The following DNAH2 variants were observed in gnomAD, a reference collection of about 807,000 sequenced individuals.
The protein encoded by DNAH2 is dynein axonemal heavy chain 2, also known as axonemal beta dynein heavy chain 2.
DNAH2 carries 323 observed loss-of-function variants against 523.5 expected under a neutral mutation model. That is an observed-to-expected ratio of 0.62 (90% CI 0.56 to 0.68). DNAH2 has a LOEUF of 0.68. Among genes scored for constraint, DNAH2 ranks in the 30% least tolerant of loss-of-function variants. The pLI is 0.00. For synonymous variants in DNAH2, 2,093 were observed against 2,177.4 expected (o/e 0.96, Z 1.08); for missense variants, 4,907 against 5,701.5 (o/e 0.86, Z 4.49).
chr17:7,726,948 A>T (rs1401402357), intron 3 of DNAH2, among the ~76,000 whole-genome samples, 174 bp from the exon 4 acceptor site: 1 of 152,152 alleles, frequency 6.6e-6, no homozygotes, highest in Admixed American at 6.5e-5. Context: ...AGAGGCAAGA[A>T]ATCTTATTTT....
chr17:7,723,610 T>C lies in DNAH2; in HGVS notation c.167-18T>C. On this transcript the variant is annotated intron_variant, in intron 2 of 85. Coordinates refer to ENST00000572933, the MANE Select transcript of DNAH2 (RefSeq NM_020877.5). ...TTTCCAAGAAATGCCTTCCTTTTTGTATGTTTATTCTTCCTAGAGCCACGG... is the reference window on the plus strand; with the variant it reads ...TTTCCAAGAAATGCCTTCCTTTTTGCATGTTTATTCTTCCTAGAGCCACGG... The C allele has an allele frequency of 6.2e-7, 1 of 1,612,364 alleles. No homozygotes were observed. The highest frequency in any genetic ancestry group is 8.5e-7 in the Non-Finnish European group (1 of 1,178,568).
rs890950486 is a variant in DNAH2 at position 7,754,832 on chromosome 17, C to T, written c.1905-2259C>T. 11 of 703,266 alleles carry T rather than the reference C, an allele frequency of 1.6e-5. No homozygotes were observed. Among genetic ancestry groups the T allele is most frequent in the East Asian group, 1.5e-4 (6 of 40,848 alleles). The allele number at this position is 703,266 out of a possible 1,614,324, so 43.6% of individuals were successfully genotyped here. On this transcript the variant is annotated intron_variant, in intron 12 of 85. Transcript: ENST00000572933. The surrounding 1 kb of genome is among the most constrained non-coding windows in gnomAD (Gnocchi z 4.6). The stretch of plus-strand genomic sequence containing the variant: ...CTCAGGCTCCCAAAGCTGCCCAGTG[C>T]CCTACAAAGACTTCAGAGTAGATAT...
At chr17:7,738,142 A>T in intron 8 of DNAH2, 1 of 702,560 alleles carries the variant, frequency 1.4e-6, no homozygotes, top group Non-Finnish European at 2.6e-6. Flanking sequence ...CTCCCCTAAC[A>T]TCCCATGTCT....
At chr17:7,830,190 C>G in intron 77 of DNAH2, 110 bp from the exon 78 acceptor site, 1 of 1,186,018 alleles carries the variant, frequency 8.4e-7, no homozygotes, top group Non-Finnish European at 1.2e-6. Context: ...CTCACCCTTT[C>G]AGCCAGTGCC....
chr17:7,794,752 C>CTTTTTTTTT (rs764592403), intron 49 of DNAH2, among the ~76,000 whole-genome samples: 1 of 125,268 alleles, frequency 8.0e-6, no homozygotes, highest in Non-Finnish European at 1.7e-5. Flanking sequence ...TTAACACTTC[C>CTTTTTTTTT]TTTTTTTTTT....
intron 63 of DNAH2, among the ~76,000 whole-genome samples, chr17:7,814,996 C>CA (rs926544656): frequency 2.3e-4 from 35 of 150,098 alleles, no homozygotes; most frequent in Middle Eastern, 3.5e-3. Flanking sequence ...CTTTTTGAGA[C>CA]AAAAAAAAAG....
intron 77 of DNAH2, among the ~76,000 whole-genome samples, chr17:7,829,266 C>G (rs1308331442): frequency 2.0e-5 from 3 of 152,178 alleles, no homozygotes; most frequent in African/African-American, 7.2e-5. Context: ...CCCACCTCGG[C>G]CTCCCAAAGT....
At chr17:7,785,978 A>C in intron 39 of DNAH2, 146 bp from the exon 40 acceptor site, 1 of 777,410 alleles carries the variant, frequency 1.3e-6, no homozygotes, top group Non-Finnish European at 2.0e-6. Context: ...CCAGCTTCCC[A>C]ATGAGTGAAC....
chr17:7,787,233 G>C, intron 42 of DNAH2, 200 bp downstream of exon 42: 1 of 688,048 alleles, frequency 1.5e-6, no homozygotes, highest in Non-Finnish European at 2.4e-6. Flanking sequence ...ACAATGATAA[G>C]AAAAACACCC....
At chr17:7,811,573 A>C (rs2077518063) in intron 63 of DNAH2, among the ~76,000 whole-genome samples, 2 of 152,206 alleles carry the variant, frequency 1.3e-5, no homozygotes, top group African/African-American at 4.8e-5. Context: ...GAAAGTCTAA[A>C]ATCAAGGTGC....
chr17:7,819,023 C>G lies in DNAH2; in HGVS notation c.10775C>G (p.Thr3592Ser). Residue 3592 changes from threonine (T) to serine (S), a missense_variant, in exon 71 of 86, where the codon ACC becomes AGC. Thr to Ser is a moderately conservative substitution (Grantham distance 58). Transcript: ENST00000572933. ...ACAGAGGTGACTGAGCAGCTGGAGA[C>G]CAGTGAGACCACAGAGATCAACACT... ...TATEVTEQLETSETTEINTDL... is the reference protein window; with the variant it reads ...TATEVTEQLESSETTEINTDL... 1.2e-6 allele frequency: 2 copies of G among 1,602,148 alleles called. No homozygotes were observed. Among genetic ancestry groups the G allele is most frequent in the South Asian group, 2.2e-5 (2 of 90,636 alleles).
At position 7,821,396 on chromosome 17, in the gene DNAH2, G is replaced by C. The variant is rs1224586437; in HGVS notation, c.11142+27G>C. 2.5e-6 allele frequency: 4 copies of C among 1,604,846 alleles called. No individual in the cohort carries two copies. The Admixed American group carries it at 5.1e-5, about 20-fold the overall frequency. ...TGAGTTGGGCAGAGAGCACATCCCA[G>C]GATGGGATGGTCAAGGTTGGGGATG... On this transcript the variant is annotated intron_variant, in intron 73 of 85. Transcript: ENST00000572933. The surrounding 1 kb of genome is among the most constrained non-coding windows in gnomAD (Gnocchi z 5.0).
rs1013014649 is a variant in DNAH2 at position 7,816,746 on chromosome 17, C to T, written c.9894+11C>T. On this transcript the variant is annotated intron_variant, in intron 64 of 85. Coordinates refer to ENST00000572933, the MANE Select transcript of DNAH2 (RefSeq NM_020877.5). Reference sequence around the variant, plus strand: ...GAGGAGACAGTCCAGGTGAGATCAGCTGTACTACCTGGTGTCCTTTCACTC... The same window carrying T: ...GAGGAGACAGTCCAGGTGAGATCAGTTGTACTACCTGGTGTCCTTTCACTC... 1 of 1,611,944 alleles carries T rather than the reference C, an allele frequency of 6.2e-7. No individual in the cohort carries two copies. The highest frequency in any genetic ancestry group is 1.3e-5 in the African/African-American group (1 of 74,848).
intron 58 of DNAH2, among the ~76,000 whole-genome samples, chr17:7,802,294 A>G (rs891523846): frequency 6.6e-6 from 1 of 152,214 alleles, no homozygotes; most frequent in African/African-American, 2.4e-5. Flanking sequence ...GAACATTGCC[A>G]TAATATACCC....
In DNAH2 at chr17:7,796,606, C is replaced by T. The variant is rs777198978; in HGVS notation, c.7817C>T (p.Thr2606Met). The T allele has an allele frequency of 1.4e-5, 22 of 1,613,214 alleles. No individual in the cohort carries two copies. The highest frequency in any genetic ancestry group is 6.7e-5 in the East Asian group (3 of 44,790). The stretch of plus-strand genomic sequence containing the variant: ...ACCGTGGTACAGCGCTTCCTGCCCA[C>T]GCCCACCAAGATGCATTACCTCTTC... ...YNTVVQRFLP[T>M]PTKMHYLFNL... is the part of the protein sequence containing the mutation. Residue 2606 changes from threonine to methionine, a missense_variant, in exon 50 of 86, where the codon ACG becomes ATG. By Grantham distance (81) the Thr-to-Met change is moderately conservative (BLOSUM62 -1). Coordinates refer to ENST00000572933, the MANE Select transcript of DNAH2 (RefSeq NM_020877.5).
At chr17:7,797,629 G>A in intron 52 of DNAH2, 51 bp from the exon 53 acceptor site, 1 of 1,613,878 alleles carries the variant, frequency 6.2e-7, no homozygotes, top group African/African-American at 1.3e-5. Context: ...GCCCTGTGGG[G>A]GGAGGCAAAC....
chr17:7,792,549 A>G (rs896677536), intron 46 of DNAH2, 108 bp from the exon 47 acceptor site: 3 of 1,062,272 alleles, frequency 2.8e-6, no homozygotes, highest in Non-Finnish European at 4.2e-6. Context: ...CAGGCCCCAC[A>G]GGAGGGCAGG....
intron 35 of DNAH2, 25 bp downstream of exon 35, chr17:7,778,494 A>G: frequency 6.3e-7 from 1 of 1,582,380 alleles, no homozygotes; most frequent in Non-Finnish European, 8.6e-7. Flanking sequence ...ACCCTGTGCC[A>G]GAAGCCCCTT....
At position 7,792,258 on chromosome 17, in the gene DNAH2, G is replaced by A; in HGVS notation, c.7060G>A (p.Val2354Ile). Residue 2354 changes from valine to isoleucine, a missense_variant, in exon 46 of 86, where the codon GTA becomes ATA. Around this residue, in one of 3 missense-constraint regions of DNAH2, gnomAD observed 2,806 missense variants for 3,190.8 expected, o/e 0.88. Transcript: ENST00000572933. ...IEGSFPNKDT[V>I]YEYFVDPKIR... ...ACCTACATGCCCTCCTTAGGACACG[G>A]TATATGAGTATTTTGTGGACCCCAA... The A allele has an allele frequency of 6.2e-7, 1 of 1,614,010 alleles. No individual in the cohort carries two copies. The highest frequency in any genetic ancestry group is 8.5e-7 in the Non-Finnish European group (1 of 1,179,978).
Sources: allele counts gnomAD v4.1 joint callset (sites outside exome capture counted in the v4.1 genomes callset), GRCh38; gene constraint gnomAD v4.1.1; regional missense constraint gnomAD v4.1.1; non-coding constraint Gnocchi (gnomAD v3.1); transcripts MANE v1.5; gene names NCBI Gene and HGNC (gene_info 2026-07-23, HGNC 2026-07-21).